ZNF451: variants seen among roughly 807,000 people sequenced by gnomAD.
ZNF451 encodes E3 SUMO-protein ligase ZNF451.
Under a neutral mutation model 107.1 loss-of-function variants are expected in ZNF451, and 80 were observed. The ratio of observed to expected loss-of-function variants is 0.75; its 90% CI spans 0.62 to 0.90. The LOEUF is 0.90. Among genes scored for constraint, ZNF451 ranks in the 40% least tolerant of loss-of-function variants. The pLI, the probability that ZNF451 is intolerant of heterozygous loss-of-function variation, is 0.00. For missense variants in ZNF451, 1,107 were observed against 1,236.2 expected, an observed-to-expected ratio of 0.90 and a Z score of 1.57; for synonymous variants, 362 against 406.5, an observed-to-expected ratio of 0.89 and a Z score of 1.32.
At chr6:57,098,989 C>A in intron 2 of ZNF451, 72 bp from the exon 3 acceptor site, 2 of 1,240,078 alleles carry the variant, frequency 1.6e-6, no homozygotes, top group Non-Finnish European at 2.4e-6. Context: ...CCAAAAAAAA[C>A]ACTGTAGGTT....
intron 2 of ZNF451, among the ~76,000 whole-genome samples, chr6:57,095,709 G>A (rs551963962): frequency 1.3e-5 from 2 of 152,086 alleles, no homozygotes; most frequent in South Asian, 4.2e-4. Context: ...TTCAGTAGTT[G>A]AAAAATGTTT....
chr6:57,161,587 G>T (rs1209297304), intron 14 of ZNF451, among the ~76,000 whole-genome samples: 1 of 149,752 alleles, frequency 6.7e-6, no homozygotes, highest in East Asian at 2.0e-4. Flanking sequence ...TACTTATCTT[G>T]AGTAGTATTA....
intron 8 of ZNF451, 87 bp downstream of exon 8, chr6:57,141,542 A>G: frequency 8.4e-7 from 1 of 1,196,812 alleles, no homozygotes; most frequent in South Asian, 1.9e-5. Context: ...TTGAGATTAC[A>G]TATCCTCATC....
intron 3 of ZNF451, among the ~76,000 whole-genome samples, chr6:57,112,000 C>G (rs1272654793): frequency 6.6e-6 from 1 of 152,218 alleles, no homozygotes. Context: ...AGAGGGTTTC[C>G]TTGTTCTAAA....
intron 3 of ZNF451, chr6:57,109,403 T>G: frequency 1.0e-6 from 1 of 985,444 alleles, no homozygotes; most frequent in Non-Finnish European, 1.2e-6. Context: ...ACCTTGACCC[T>G]CAGCATTAGC....
At chr6:57,100,352 C>G (rs991415854) in intron 3 of ZNF451, among the ~76,000 whole-genome samples, 1 of 152,090 alleles carries the variant, frequency 6.6e-6, no homozygotes, top group East Asian at 1.9e-4. Context: ...TTTACTCTCT[C>G]CTTTTTCATA....
intron 3 of ZNF451, among the ~76,000 whole-genome samples, chr6:57,120,870 G>C (rs765928402): frequency 3.3e-5 from 5 of 152,180 alleles, no homozygotes; most frequent in African/African-American, 9.6e-5. Context: ...GTCTTTTGCA[G>C]AGAAGTTTTA....
intron 3 of ZNF451, chr6:57,124,492 C>T: frequency 1.4e-6 from 1 of 716,396 alleles, no homozygotes. Context: ...TACTCTTCAG[C>T]TTTTAAGTGA....
At chr6:57,155,448 T>C (rs1417505996) in intron 13 of ZNF451, among the ~76,000 whole-genome samples, 4 of 152,202 alleles carry the variant, frequency 2.6e-5, no homozygotes, top group Non-Finnish European at 5.9e-5. Context: ...ATTGCACCAT[T>C]GCGCTCCAGC....
chr6:57,099,478 A>G (rs1829484260), intron 3 of ZNF451: 1 of 717,052 alleles, frequency 1.4e-6, no homozygotes. Context: ...GGTGCCCTAT[A>G]CAACAGGATT....
At chr6:57,130,498 CT>C (rs565241012) in intron 5 of ZNF451, among the ~76,000 whole-genome samples, 56 of 152,174 alleles carry the variant, frequency 3.7e-4, no homozygotes, top group African/African-American at 1.3e-3. Flanking sequence ...GGCATCTGTA[CT>C]TTTGGGAAAG....
chr6:57,156,735 T>G (rs753004773), intron 13 of ZNF451, among the ~76,000 whole-genome samples: 6 of 152,216 alleles, frequency 3.9e-5, no homozygotes, highest in Non-Finnish European at 7.3e-5. Context: ...AACCTAAGTT[T>G]ATACTATAAG....
chr6:57,147,487 G>A lies in ZNF451; in HGVS notation c.1402G>A (p.Val468Ile), dbSNP rs1486584991. The A allele has an allele frequency of 1.9e-6, 3 of 1,614,066 alleles. No individual in the cohort carries two copies. Among genetic ancestry groups the A allele is most frequent in the East Asian group, 4.5e-5 (2 of 44,874 alleles). ...TGCTTGTGTCCAGAAAGAAAAATCA[G>A]TAGTTAAAACCTGGTTCTGTGAATG... ...GVACVQKEKS[V>I]VKTWFCECNQ... The change falls in exon 10 of 15, where the codon GTA becomes ATA. Residue 468 changes from valine to isoleucine, a missense_variant. Val to Ile is a conservative substitution (Grantham distance 29). This residue lies in a region of ZNF451 where 608 missense variants were observed against 649.2 expected (regional missense o/e 0.94). Transcript: ENST00000370706.
At chr6:57,111,483 C>T (rs1434633121) in intron 3 of ZNF451, among the ~76,000 whole-genome samples, 1 of 151,798 alleles carries the variant, frequency 6.6e-6, no homozygotes, top group Non-Finnish European at 1.5e-5. Context: ...CGGGTTCAAG[C>T]GATTCTCTTG....
intron 3 of ZNF451, among the ~76,000 whole-genome samples, chr6:57,112,793 A>G (rs1460475084): frequency 3.3e-5 from 5 of 152,164 alleles, no homozygotes; most frequent in African/African-American, 4.8e-5. Context: ...ATATATTCAT[A>G]TTTCTATTAA....
At position 57,147,221 on chromosome 6, in the gene ZNF451, A is replaced by G. The variant is rs1178683656; in HGVS notation, c.1136A>G (p.Asn379Ser). 1 of 1,614,112 alleles carries G rather than the reference A, an allele frequency of 6.2e-7. No homozygotes were observed. The highest frequency in any genetic ancestry group is 1.7e-5 in the Admixed American group (1 of 60,024). ...QVFVDETSTQNHKQNSGHKVR... is the reference protein window; with the variant it reads ...QVFVDETSTQSHKQNSGHKVR... The stretch of plus-strand genomic sequence containing the variant: ...TTTGTGGATGAAACCAGCACCCAAA[A>G]TCATAAGCAGAATTCAGGACACAAA... Residue 379 changes from asparagine (N) to serine (S), a missense_variant, in exon 10 of 15, where the codon AAT (asparagine) becomes AGT (serine). Around this residue, in one of 5 missense-constraint regions of ZNF451, gnomAD observed 608 missense variants for 649.2 expected, o/e 0.94. Transcript: ENST00000370706.
chr6:57,147,977 A>C lies in ZNF451; in HGVS notation c.1892A>C (p.His631Pro), dbSNP rs749043131. ...CAGCACTGCATGTCTTTGGCAAGCC[A>C]CAAGTTTCATAGATACAGCTGTGCT... ...VKQHCMSLAS[H>P]KFHRYSCAHC... Residue 631 changes from histidine (H) to proline (P), a missense_variant, in exon 10 of 15, where the codon CAC (histidine) becomes CCC (proline). By Grantham distance (77) the His-to-Pro change is moderately conservative. Around this residue, in one of 5 missense-constraint regions of ZNF451, gnomAD observed 608 missense variants for 649.2 expected, o/e 0.94. Transcript: ENST00000370706. 6.2e-7 allele frequency: 1 copy of C among 1,614,162 alleles called. No homozygotes were observed. Among genetic ancestry groups the C allele is most frequent in the Non-Finnish European group, 8.5e-7 (1 of 1,179,978 alleles).
chr6:57,110,843 T>G (rs1830070697), intron 3 of ZNF451, among the ~76,000 whole-genome samples: 1 of 152,078 alleles, frequency 6.6e-6, no homozygotes, highest in African/African-American at 2.4e-5. Flanking sequence ...TCCAACACAT[T>G]TTGTCAACTT....
intron 13 of ZNF451, chr6:57,158,715 C>T (rs1052982370): frequency 2.0e-6 from 2 of 985,302 alleles, no homozygotes; most frequent in Admixed American, 6.1e-5. Flanking sequence ...CCAGTATCTG[C>T]TCCCTTGAGA....
Sources: allele counts gnomAD v4.1 joint callset (sites outside exome capture counted in the v4.1 genomes callset), GRCh38; gene constraint gnomAD v4.1.1; regional missense constraint gnomAD v4.1.1; transcripts MANE v1.5; gene names NCBI Gene and HGNC (gene_info 2026-07-23, HGNC 2026-07-21).